The following NLGN1 variants were observed in gnomAD, a reference collection of about 807,000 sequenced individuals.
The protein encoded by NLGN1 is neuroligin 1, also known as neuroligin-1.
A neutral mutation model predicts 65.5 loss-of-function variants in NLGN1; 12 were observed. The ratio of observed to expected loss-of-function variants is 0.18; its 90% confidence interval spans 0.12 to 0.30. NLGN1 has a LOEUF of 0.30. Ranked by LOEUF, NLGN1 falls within the 10% of genes least tolerant of loss-of-function variation. NLGN1 has a pLI of 1.00. For synonymous variants in NLGN1, 350 were observed against 359.5 expected (o/e 0.97, Z 0.30); for missense variants, 750 against 1,007.1 (o/e 0.74, Z 3.46).
intron 1 of NLGN1, among the ~76,000 whole-genome samples, chr3:173,416,486 A>G (rs1713820957): frequency 6.6e-6 from 1 of 152,170 alleles, no homozygotes; most frequent in Non-Finnish European, 1.5e-5. Flanking sequence ...TCACTGTGTG[A>G]GTTGTTTTCC....
At chr3:173,401,792 G>C (rs1717753026) in intron 1 of NLGN1, among the ~76,000 whole-genome samples, 1 of 152,138 alleles carries the variant, frequency 6.6e-6, no homozygotes, top group Non-Finnish European at 1.5e-5. Flanking sequence ...ACTTCAGAAA[G>C]GAGAAAGAGT....
At chr3:173,909,784 T>C (rs1739209674) in intron 4 of NLGN1, among the ~76,000 whole-genome samples, 1 of 152,168 alleles carries the variant, frequency 6.6e-6, no homozygotes, top group South Asian at 2.1e-4. Flanking sequence ...GTTCAAGTAA[T>C]TCTCCTGCCT....
At chr3:174,285,905 T>A (rs1752060918) in exon 7 of NLGN1, 1 of 151,478 alleles carries the variant, frequency 6.6e-6, no homozygotes, top group Non-Finnish European at 1.5e-5. Context: ...TTACATTTAA[T>A]TTGATTTTTA....
At chr3:174,113,155 A>G (rs561931393) in intron 4 of NLGN1, among the ~76,000 whole-genome samples, 1 of 152,080 alleles carries the variant, frequency 6.6e-6, no homozygotes, top group Admixed American at 6.6e-5. Flanking sequence ...TATGTTCTAT[A>G]TGGTAAGTAC....
At chr3:173,503,253 A>G (rs1370277550) in intron 2 of NLGN1, among the ~76,000 whole-genome samples, 1 of 152,128 alleles carries the variant, frequency 6.6e-6, no homozygotes, top group Non-Finnish European at 1.5e-5. Context: ...GAATTCTGCA[A>G]TATGGAAATG....
intron 3 of NLGN1, among the ~76,000 whole-genome samples, chr3:173,701,113 A>G (rs938314227): frequency 2.6e-5 from 4 of 152,166 alleles, no homozygotes; most frequent in African/African-American, 9.7e-5. Context: ...TGGGTGACAC[A>G]GCGAGACTCC....
intron 4 of NLGN1, among the ~76,000 whole-genome samples, chr3:173,931,814 G>A (rs909794923): frequency 2.5e-4 from 38 of 152,056 alleles, no homozygotes; most frequent in African/African-American, 8.2e-4. Context: ...AGAGACTATT[G>A]TAATAATCCA....
chr3:173,751,244 A>G (rs1776262845), intron 3 of NLGN1, among the ~76,000 whole-genome samples: 1 of 152,114 alleles, frequency 6.6e-6, no homozygotes, highest in Non-Finnish European at 1.5e-5. Flanking sequence ...AAAGAAAATA[A>G]CTGATATAAT....
intron 4 of NLGN1, among the ~76,000 whole-genome samples, chr3:174,079,464 T>C (rs1307248680): frequency 2.0e-5 from 3 of 152,168 alleles, no homozygotes; most frequent in African/African-American, 7.2e-5. Flanking sequence ...GGTTCAACCA[T>C]TGTGAAAGAC....
intron 4 of NLGN1, among the ~76,000 whole-genome samples, chr3:174,221,653 T>C (rs1738678843): frequency 6.6e-6 from 1 of 152,072 alleles, no homozygotes; most frequent in Non-Finnish European, 1.5e-5. Context: ...AGGGCTGCTG[T>C]AACAAATTGG....
rs138193723 is a variant in NLGN1 at position 173,953,609 on chromosome 3, C to A, written c.646+145777C>A. ...TCACTTTGTCACCCAGGCTAGAGTGCAGTGGCACTATCATGGCTCACTGCA... is the reference window on the plus strand; with the variant it reads ...TCACTTTGTCACCCAGGCTAGAGTGAAGTGGCACTATCATGGCTCACTGCA... On this transcript the variant is annotated intron_variant, in intron 4 of 6. Transcript: ENST00000457714. Among the ~76,000 whole-genome samples the A allele has an allele frequency of 6.3e-3, 963 of 152,244 alleles. 17 individuals carry two copies. The highest frequency in any genetic ancestry group is 0.022 in the African/African-American group (918 of 41,532).
At chr3:174,241,639 A>G (rs1742838222) in intron 4 of NLGN1, among the ~76,000 whole-genome samples, 1 of 150,924 alleles carries the variant, frequency 6.6e-6, no homozygotes, top group Non-Finnish European at 1.5e-5. Flanking sequence ...ACCCCCCAAC[A>G]TCCAACATAT....
intron 2 of NLGN1, among the ~76,000 whole-genome samples, chr3:173,470,385 C>G (rs1200020962): frequency 6.6e-6 from 1 of 152,030 alleles, no homozygotes; most frequent in Non-Finnish European, 1.5e-5. Context: ...ATACATTTCT[C>G]TTTCTCTCCT....
intron 3 of NLGN1, among the ~76,000 whole-genome samples, chr3:173,673,794 A>G (rs1266259496): frequency 6.6e-6 from 1 of 152,142 alleles, no homozygotes; most frequent in Non-Finnish European, 1.5e-5. Context: ...TTGAACAAAG[A>G]ATTGGACAAA....
At chr3:174,183,556 A>G (rs1210968476) in intron 4 of NLGN1, among the ~76,000 whole-genome samples, 6 of 152,234 alleles carry the variant, frequency 3.9e-5, no homozygotes, top group African/African-American at 1.4e-4. Flanking sequence ...AGATTTCAGT[A>G]CACAACAGAA....
chr3:173,865,285 A>G (rs1729913334), intron 4 of NLGN1, among the ~76,000 whole-genome samples: 1 of 151,900 alleles, frequency 6.6e-6, no homozygotes, highest in East Asian at 1.9e-4. Context: ...CAACCCTTTA[A>G]TCTCCTAAGA....
chr3:174,265,856 G>A (rs1646533269), intron 4 of NLGN1, among the ~76,000 whole-genome samples: 1 of 143,084 alleles, frequency 7.0e-6, no homozygotes, highest in Non-Finnish European at 1.5e-5. Flanking sequence ...TTAGTTTTAG[G>A]TAAAGAGTAT....
At chr3:173,712,401 T>C (rs1482375766) in intron 3 of NLGN1, among the ~76,000 whole-genome samples, 1 of 152,184 alleles carries the variant, frequency 6.6e-6, no homozygotes, top group Non-Finnish European at 1.5e-5. Context: ...GTTAAGCTAA[T>C]TATACTCAAG....
chr3:173,715,419 T>C (rs950515698), intron 3 of NLGN1, among the ~76,000 whole-genome samples: 6 of 152,186 alleles, frequency 3.9e-5, no homozygotes, highest in African/African-American at 1.4e-4. Flanking sequence ...CACTTCTTTT[T>C]TCCTTGTTCC....
Sources: allele counts gnomAD v4.1 joint callset (sites outside exome capture counted in the v4.1 genomes callset), GRCh38; gene constraint gnomAD v4.1.1; transcripts MANE v1.5; gene names NCBI Gene and HGNC (gene_info 2026-07-23, HGNC 2026-07-21).